KLHDC10: variants seen among roughly 807,000 people sequenced by gnomAD.
KLHDC10 encodes kelch domain-containing protein 10.
A neutral mutation model predicts 56.1 loss-of-function variants in KLHDC10; 24 were observed. That is an observed-to-expected ratio of 0.43 (90% CI 0.31 to 0.60). The LOEUF is 0.60. Among genes scored for constraint, KLHDC10 ranks in the 20% least tolerant of loss-of-function variants. The probability of loss-of-function intolerance (pLI) is 0.11; values close to 1 mark genes in which losing one functional copy is unlikely to be tolerated. For synonymous variants in KLHDC10, 188 were observed against 207.1 expected (o/e 0.91, Z 0.79); for missense variants, 349 against 567.0 (o/e 0.62, Z 3.91).
chr7:130,112,117 T>C (rs1796109165), intron 2 of KLHDC10, among the ~76,000 whole-genome samples: 2 of 152,252 alleles, frequency 1.3e-5, no homozygotes, highest in South Asian at 2.1e-4. Context: ...CCAGAAATTC[T>C]CATACATTTG....
chr7:130,121,344 T>C (rs972015931), intron 4 of KLHDC10, among the ~76,000 whole-genome samples: 1 of 152,178 alleles, frequency 6.6e-6, no homozygotes, highest in Non-Finnish European at 1.5e-5. Context: ...TATGTAGAGA[T>C]TAGTTTAGGT....
rs1463011915 is a variant in KLHDC10, at chr7:130,070,742, C to T, written c.99C>T (p.Gly33=). ...GCGGGGCCGGCGGGGGCAGTGGGGGCAGCGGGGGTCGGGGGACTGGCCAGC... is the reference window on the plus strand; with the variant it reads ...GCGGGGCCGGCGGGGGCAGTGGGGGTAGCGGGGGTCGGGGGACTGGCCAGC... ...GGSGAGGGSG[G]SGGRGTGQLN... is the part of the protein sequence containing the mutation. Residue 33 remains glycine, a synonymous_variant, in exon 1 of 10, where the codon GGC becomes GGT. Coordinates refer to ENST00000335420, the MANE Select transcript of KLHDC10 (RefSeq NM_014997.4). 7.9e-7 allele frequency: 1 copy of T among 1,271,694 alleles called. No homozygotes were observed. Among genetic ancestry groups the T allele is most frequent in the East Asian group, 3.0e-5 (1 of 33,346 alleles). The allele number at this position is 1,271,694 out of a possible 1,614,324, so 78.8% of individuals were successfully genotyped here. A position where few individuals can be genotyped will look rare whatever the true frequency, so the allele number is the denominator to read the frequency against.
intron 2 of KLHDC10, among the ~76,000 whole-genome samples, chr7:130,100,035 G>C (rs896141058): frequency 2.6e-5 from 4 of 151,616 alleles, no homozygotes; most frequent in African/African-American, 9.7e-5. Context: ...GCAACTAAGA[G>C]TTCGAGGCTA....
rs1278898984 is a variant in KLHDC10 at position 130,131,797 on chromosome 7, C to T, written c.*1051C>T. 1.3e-5 allele frequency: 2 copies of T among 152,182 alleles called. No homozygotes were observed. The highest frequency in any genetic ancestry group is 2.9e-5 in the Non-Finnish European group (2 of 68,048). The allele number at this position is 152,182 out of a possible 1,614,324, so 9.4% of individuals were successfully genotyped here. ...TTCCTTTTGAGAACTTGTTTCTTTT[C>T]TAATCTCTGGGCCAGGTACCTGCCA... On this transcript the variant is annotated 3_prime_UTR_variant, in exon 10 of 10. Coordinates refer to ENST00000335420, the MANE Select transcript of KLHDC10 (RefSeq NM_014997.4).
In KLHDC10 at chr7:130,129,596, T is replaced by C; in HGVS notation, c.1119+20T>C. ...ACACCAGTAAGTTTTTATTTTCATA[T>C]CTTCCTTATGTAGTTACAGATGATA... On this transcript the variant is annotated intron_variant, in intron 9 of 9. Coordinates refer to ENST00000335420, the MANE Select transcript of KLHDC10 (RefSeq NM_014997.4). The C allele has an allele frequency of 6.2e-7, 1 of 1,609,064 alleles. No homozygotes were observed. The highest frequency in any genetic ancestry group is 8.5e-7 in the Non-Finnish European group (1 of 1,177,912).
chr7:130,121,817 T>G (rs1796251364), intron 4 of KLHDC10, among the ~76,000 whole-genome samples: 1 of 152,240 alleles, frequency 6.6e-6, no homozygotes, highest in Non-Finnish European at 1.5e-5. Flanking sequence ...AGAATCATCT[T>G]GGGAGGTAGG....
chr7:130,078,061 A>AT (rs142201663), intron 1 of KLHDC10, among the ~76,000 whole-genome samples: 8,279 of 149,210 alleles, frequency 0.055, 299 homozygotes, highest in African/African-American at 0.096. Context: ...TCTCCTTTTC[A>AT]TTTTTTTTTC....
chr7:130,108,176 C>T (rs888614731), intron 2 of KLHDC10, among the ~76,000 whole-genome samples: 7 of 151,278 alleles, frequency 4.6e-5, no homozygotes, highest in African/African-American at 1.5e-4. Context: ...TGCAGTGAGC[C>T]GAAATCGCGC....
intron 1 of KLHDC10, among the ~76,000 whole-genome samples, chr7:130,090,767 CGTGTGT>C (rs57061414): frequency 1.6e-4 from 23 of 148,140 alleles, no homozygotes; most frequent in Middle Eastern, 3.2e-3. Context: ...TACACATACT[CGTGTGT>C]GTGTGTGTGT....
At chr7:130,079,980 C>T (rs973503961) in intron 1 of KLHDC10, among the ~76,000 whole-genome samples, 30 of 150,022 alleles carry the variant, frequency 2.0e-4, no homozygotes, top group South Asian at 2.2e-4. Context: ...CTCCCTCTGT[C>T]GCCCAGGTTG....
intron 1 of KLHDC10, among the ~76,000 whole-genome samples, chr7:130,076,031 A>G (rs929044706): frequency 1.3e-5 from 2 of 152,060 alleles, no homozygotes; most frequent in African/African-American, 4.8e-5. Context: ...CAATTTTTCC[A>G]TGGACCGGGA....
intron 1 of KLHDC10, among the ~76,000 whole-genome samples, chr7:130,095,606 CA>C (rs1442522904): frequency 6.6e-6 from 1 of 152,112 alleles, no homozygotes; most frequent in African/African-American, 2.4e-5. Context: ...GTATTCTCTA[CA>C]AAATTAAGTG....
At chr7:130,107,072 T>A (rs970494313) in intron 2 of KLHDC10, among the ~76,000 whole-genome samples, 1 of 152,170 alleles carries the variant, frequency 6.6e-6, no homozygotes, top group African/African-American at 2.4e-5. Flanking sequence ...CAGAATACTA[T>A]AAGAAACCAG....
Position 130,107,865 on chromosome 7 carries a change from AAAG to A in KLHDC10, c.254-8578_254-8576del, listed in dbSNP as rs1447125166. ...TCTCAAAAAAAAAAAAAAAAAAAAA[AAAG>A]AGCCGGACGCGGTGGCCCGTACCGT... On this transcript the variant is annotated intron_variant, in intron 2 of 9. Transcript: ENST00000335420. Among the ~76,000 whole-genome samples the A allele has an allele frequency of 2.4e-3, 338 of 143,514 alleles. 1 individual carries two copies. The highest frequency in any genetic ancestry group is 3.1e-3 in the Non-Finnish European group (200 of 65,186). 94.2% of individuals were successfully genotyped at this position (143,514 alleles called of 152,430 possible). A position where few individuals can be genotyped will look rare whatever the true frequency, so the allele number is the denominator to read the frequency against.
At position 130,135,110 on chromosome 7, in the gene KLHDC10, A is replaced by AAC. The variant is rs1367682329; in HGVS notation, c.*4365_*4366insCA. 2 of 140,602 alleles carry AAC rather than the reference A, an allele frequency of 1.4e-5. No individual in the cohort carries two copies. The highest frequency in any genetic ancestry group is 3.2e-5 in the Non-Finnish European group (2 of 62,490). 8.7% of individuals were successfully genotyped at this position (140,602 alleles called of 1,614,324 possible). ...TAATTTGAAAAAAAAAAAAAAAAAA[A>AAC]AACAACTTTTTATAAGTTTTTTAAG... On this transcript the variant is annotated 3_prime_UTR_variant, in exon 10 of 10. Transcript: ENST00000335420.
Position 130,120,960 on chromosome 7 carries a change from G to A in KLHDC10, c.630+57G>A. 2.0e-6 allele frequency: 3 copies of A among 1,524,658 alleles called. No individual in the cohort carries two copies. The highest frequency in any genetic ancestry group is 1.2e-5 in the South Asian group (1 of 84,292). The allele number at this position is 1,524,658 out of a possible 1,614,324, so 94.4% of individuals were successfully genotyped here. On this transcript the variant is annotated intron_variant, in intron 4 of 9. Coordinates refer to ENST00000335420, the MANE Select transcript of KLHDC10 (RefSeq NM_014997.4). The surrounding 1 kb of genome is among the most constrained non-coding windows in gnomAD (Gnocchi z 5.1). ...GTTCATATTTTTCTAGTCTGGGGAT[G>A]GTGTTAGAATATTTGTAATTGTTAC...
chr7:130,111,490 G>T (rs899210161), intron 2 of KLHDC10, among the ~76,000 whole-genome samples: 8 of 152,186 alleles, frequency 5.3e-5, no homozygotes, highest in African/African-American at 1.9e-4. Flanking sequence ...GATCATTTGA[G>T]CTTAGATTAG....
intron 1 of KLHDC10, among the ~76,000 whole-genome samples, chr7:130,094,451 A>T (rs1287375929): frequency 6.6e-6 from 1 of 152,116 alleles, no homozygotes; most frequent in African/African-American, 2.4e-5. Context: ...TTTTTCTTCC[A>T]GTCTAAAAGT....
chr7:130,095,522 T>C (rs541420445), intron 1 of KLHDC10, among the ~76,000 whole-genome samples: 2 of 152,316 alleles, frequency 1.3e-5, no homozygotes, highest in East Asian at 1.9e-4. Context: ...TTGAGAATCA[T>C]TGATTTAAAA....
Sources: gnomAD v4.1 joint callset for allele counts (sites outside exome capture counted in the v4.1 genomes callset) on GRCh38, gnomAD v4.1.1 for gene constraint, Gnocchi (gnomAD v3.1) non-coding constraint, MANE v1.5 for transcripts, NCBI Gene and HGNC (gene_info 2026-07-23, HGNC 2026-07-21) for gene names.